The following CENPW variants were observed in gnomAD, a reference collection of about 807,000 sequenced individuals.
CENPW encodes cancer-up-regulated gene 2 protein.
CENPW carries 3 observed loss-of-function variants against 11.1 expected under a neutral mutation model. That is an observed-to-expected ratio of 0.27 (90% CI 0.12 to 0.70). The LOEUF is 0.70. CENPW is among the 30% of genes least tolerant of loss of function. CENPW has a pLI of 0.77. For missense variants in CENPW, 100 were observed against 105.6 expected (o/e 0.95, Z 0.23); for synonymous variants, 38 against 42.0 (o/e 0.91, Z 0.37).
chr6:126,340,829 T>G (rs1041135667), intron 1 of CENPW, among the ~76,000 whole-genome samples: 2 of 152,206 alleles, frequency 1.3e-5, no homozygotes, highest in Non-Finnish European at 2.9e-5. Context: ...CTCACATGCC[T>G]TTTAAGGGCC....
the CENPW span, among the ~76,000 whole-genome samples, chr6:126,411,752 C>G: frequency 2.6e-5 from 4 of 152,068 alleles, no homozygotes; most frequent in African/African-American, 9.7e-5. Context: ...AATTTGGGAA[C>G]CTGAGCCAAT....
the CENPW span, among the ~76,000 whole-genome samples, chr6:126,428,442 C>T: frequency 6.6e-6 from 1 of 152,132 alleles, no homozygotes. Flanking sequence ...TAAATATACC[C>T]TAGCAACTAC....
intron 1 of CENPW, among the ~76,000 whole-genome samples, chr6:126,341,415 GC>G (rs2128289345): frequency 6.6e-6 from 1 of 152,130 alleles, no homozygotes; most frequent in East Asian, 1.9e-4. Flanking sequence ...TTACTCTTTT[GC>G]TTCCTGGACT....
chr6:126,362,624 C>G, the CENPW span, among the ~76,000 whole-genome samples: 1 of 152,162 alleles, frequency 6.6e-6, no homozygotes, highest in Non-Finnish European at 1.5e-5. Flanking sequence ...TGTCCCCCAC[C>G]TTGATTATAT....
chr6:126,431,919 G>T, the CENPW span, among the ~76,000 whole-genome samples: 5 of 151,730 alleles, frequency 3.3e-5, no homozygotes, highest in Non-Finnish European at 5.9e-5. Flanking sequence ...ACAAAAATTA[G>T]CTGGGTGTGG....
At chr6:126,347,635 C>T (rs1780434848) in intron 2 of CENPW, among the ~76,000 whole-genome samples, 4 of 151,820 alleles carry the variant, frequency 2.6e-5, no homozygotes, top group Admixed American at 2.6e-4. Context: ...TTTCTAGGGC[C>T]TTTAAATTAT....
At chr6:126,359,240 T>G in the CENPW span, among the ~76,000 whole-genome samples, 1 of 152,118 alleles carries the variant, frequency 6.6e-6, no homozygotes. Flanking sequence ...TCAAGATATC[T>G]TGATATTGAT....
chr6:126,441,400 A>G, the CENPW span, among the ~76,000 whole-genome samples: 2 of 151,152 alleles, frequency 1.3e-5, no homozygotes, highest in African/African-American at 2.4e-5. Flanking sequence ...ACTTCCCTCC[A>G]TTTCCTGCCA....
chr6:126,381,500 T>C, the CENPW span, among the ~76,000 whole-genome samples: 15 of 152,326 alleles, frequency 9.8e-5, no homozygotes, highest in Non-Finnish European at 1.9e-4. Flanking sequence ...GAACATCCAC[T>C]GTCAAGACTA....
the CENPW span, among the ~76,000 whole-genome samples, chr6:126,440,434 T>A: frequency 6.6e-6 from 1 of 151,648 alleles, no homozygotes; most frequent in African/African-American, 2.4e-5. Flanking sequence ...TTTAGTAACA[T>A]TTATGTTGTT....
chr6:126,350,215 A>AT (rs766557509), downstream of CENPW, among the ~76,000 whole-genome samples: 4 of 152,032 alleles, frequency 2.6e-5, no homozygotes, highest in Non-Finnish European at 5.9e-5. Flanking sequence ...TTTAATTTAC[A>AT]TTTTCCTGAT....
chr6:126,343,406 A>G (rs1366963618), intron 1 of CENPW, among the ~76,000 whole-genome samples: 2 of 152,304 alleles, frequency 1.3e-5, no homozygotes, highest in East Asian at 3.9e-4. Flanking sequence ...GGGGTTTGCT[A>G]GAGGGACAGA....
intron 2 of CENPW, among the ~76,000 whole-genome samples, chr6:126,346,915 T>C (rs1036286118): frequency 6.6e-6 from 1 of 152,098 alleles, no homozygotes; most frequent in African/African-American, 2.4e-5. Flanking sequence ...ACCATTGCAC[T>C]CTAGCCTGGG....
the CENPW span, among the ~76,000 whole-genome samples, chr6:126,406,820 C>A: frequency 6.6e-6 from 1 of 151,804 alleles, no homozygotes; most frequent in Admixed American, 6.6e-5. Context: ...CCACTGCACT[C>A]CAGCCTTGGT....
the CENPW span, among the ~76,000 whole-genome samples, chr6:126,445,114 A>G: frequency 4.6e-5 from 7 of 151,212 alleles, no homozygotes; most frequent in African/African-American, 7.2e-5. Flanking sequence ...AATGCCTTCA[A>G]ATTGACTCAC....
At chr6:126,408,860 T>G in the CENPW span, among the ~76,000 whole-genome samples, 3 of 151,952 alleles carry the variant, frequency 2.0e-5, no homozygotes, top group Non-Finnish European at 4.4e-5. Flanking sequence ...GTCTTCTCTG[T>G]TTTTTCCCTA....
At chr6:126,390,203 C>T in the CENPW span, among the ~76,000 whole-genome samples, 6 of 151,966 alleles carry the variant, frequency 3.9e-5, no homozygotes, top group South Asian at 1.2e-3. Flanking sequence ...AAAACCATAC[C>T]AATATCATCT....
At chr6:126,441,675 G>T in the CENPW span, among the ~76,000 whole-genome samples, 1 of 151,270 alleles carries the variant, frequency 6.6e-6, no homozygotes, top group African/African-American at 2.4e-5. Flanking sequence ...TCATAGTTTA[G>T]CCCCCACTTA....
the CENPW span, among the ~76,000 whole-genome samples, chr6:126,354,006 A>G: frequency 6.6e-6 from 1 of 151,896 alleles, no homozygotes; most frequent in Non-Finnish European, 1.5e-5. Context: ...TTTCTTAGAC[A>G]TATTAATTAT....
Sources: allele counts gnomAD v4.1 joint callset (sites outside exome capture counted in the v4.1 genomes callset), GRCh38; gene constraint gnomAD v4.1.1; transcripts MANE v1.5; gene names NCBI Gene and HGNC (gene_info 2026-07-23, HGNC 2026-07-21).